Variants in MAGI2 observed in about 807,000 individuals in gnomAD.
The protein encoded by MAGI2 is membrane associated guanylate kinase, WW and PDZ domain containing 2.
Under a neutral mutation model 133.3 loss-of-function variants are expected in MAGI2, and 35 were observed. The ratio of observed to expected loss-of-function variants is 0.26; its 90% confidence interval spans 0.20 to 0.35. The LOEUF (loss-of-function observed/expected upper bound fraction) is 0.35, where lower values mean the gene tolerates loss of function less well. Among genes scored for constraint, MAGI2 ranks in the 10% least tolerant of loss-of-function variants. The pLI, the probability that MAGI2 is intolerant of heterozygous loss-of-function variation, is 1.00. For missense variants in MAGI2, 1,636 were observed against 1,863.4 expected, an observed-to-expected ratio of 0.88 and a Z score of 2.25; for synonymous variants, 729 against 710.6, an observed-to-expected ratio of 1.03 and a Z score of -0.41.
chr7:79,095,945 T>C (rs907842265), intron 1 of MAGI2, among the ~76,000 whole-genome samples: 1 of 152,104 alleles, frequency 6.6e-6, no homozygotes, highest in Non-Finnish European at 1.5e-5. Context: ...ATCTGGGAAG[T>C]GCAACAGAGT....
intron 12 of MAGI2, among the ~76,000 whole-genome samples, chr7:78,192,714 G>C (rs1828352602): frequency 1.3e-5 from 2 of 152,134 alleles, no homozygotes; most frequent in African/African-American, 4.8e-5. Context: ...AAATGTGATA[G>C]AAAAGAGAAG....
At chr7:78,189,149 T>G (rs539691985) in intron 12 of MAGI2, among the ~76,000 whole-genome samples, 1 of 152,272 alleles carries the variant, frequency 6.6e-6, no homozygotes, top group Non-Finnish European at 1.5e-5. Context: ...CACCCGTTTG[T>G]GATCAGCCAT....
At chr7:78,522,676 G>A (rs1189760874) in intron 3 of MAGI2, among the ~76,000 whole-genome samples, 2 of 152,114 alleles carry the variant, frequency 1.3e-5, no homozygotes, top group East Asian at 1.9e-4. Context: ...CACTGCATGC[G>A]GCTGTGAACA....
At chr7:78,245,667 T>C (rs1176974568) in intron 10 of MAGI2, among the ~76,000 whole-genome samples, 1 of 151,964 alleles carries the variant, frequency 6.6e-6, no homozygotes, top group East Asian at 1.9e-4. Flanking sequence ...GAGGGACTTC[T>C]CCCTGTGAGG....
At chr7:78,839,888 T>C (rs937634873) in intron 2 of MAGI2, among the ~76,000 whole-genome samples, 2 of 152,150 alleles carry the variant, frequency 1.3e-5, no homozygotes, top group African/African-American at 4.8e-5. Flanking sequence ...TTAGAAACTC[T>C]GTAGTGCTCT....
intron 1 of MAGI2, among the ~76,000 whole-genome samples, chr7:79,359,455 C>T (rs2129120554): frequency 6.6e-6 from 1 of 152,104 alleles, no homozygotes; most frequent in Non-Finnish European, 1.5e-5. Flanking sequence ...AAATTCTCCA[C>T]ACTTGATAAA....
At chr7:78,870,559 C>T (rs965936521) in intron 2 of MAGI2, among the ~76,000 whole-genome samples, 5 of 151,962 alleles carry the variant, frequency 3.3e-5, no homozygotes, top group African/African-American at 1.2e-4. Flanking sequence ...TAAATATTGG[C>T]GTGGATGTTG....
chr7:78,501,476 GT>G, intron 5 of MAGI2, 100 bp downstream of exon 5: 1 of 1,033,050 alleles, frequency 9.7e-7, no homozygotes, highest in Non-Finnish European at 1.4e-6. Flanking sequence ...AGAATTTCAT[GT>G]TTTTTTCTTT....
intron 1 of MAGI2, among the ~76,000 whole-genome samples, chr7:79,278,428 C>T (rs1175558838): frequency 6.6e-6 from 1 of 152,096 alleles, no homozygotes; most frequent in Non-Finnish European, 1.5e-5. Context: ...CACACTCACC[C>T]CATTGTTTAA....
At chr7:79,450,279 C>CAAA (rs1849152290) in intron 1 of MAGI2, among the ~76,000 whole-genome samples, 1 of 151,988 alleles carries the variant, frequency 6.6e-6, no homozygotes, top group Non-Finnish European at 1.5e-5. Context: ...AATGATTTTC[C>CAAA]AGTAAATGAC....
At chr7:79,107,218 G>T (rs1467435562) in intron 1 of MAGI2, among the ~76,000 whole-genome samples, 1 of 152,182 alleles carries the variant, frequency 6.6e-6, no homozygotes, top group South Asian at 2.1e-4. Context: ...AAGTCAAAGA[G>T]ATAGGAAGCA....
chr7:79,379,171 C>T (rs1843610066), intron 1 of MAGI2, among the ~76,000 whole-genome samples: 1 of 142,130 alleles, frequency 7.0e-6, no homozygotes, highest in South Asian at 2.4e-4. Context: ...TCCAAGTGTT[C>T]TCATTGTTCA....
intron 2 of MAGI2, among the ~76,000 whole-genome samples, chr7:78,750,613 A>T (rs766719910): frequency 9.2e-5 from 14 of 152,178 alleles, no homozygotes; most frequent in Non-Finnish European, 1.8e-4. Context: ...GACAATACAC[A>T]TAACAAAAAA....
At chr7:78,770,412 G>A (rs373073894) in intron 2 of MAGI2, among the ~76,000 whole-genome samples, 5 of 152,158 alleles carry the variant, frequency 3.3e-5, no homozygotes, top group South Asian at 4.1e-4. Flanking sequence ...AGTCAATTAC[G>A]TGGGAAATAA....
intron 1 of MAGI2, chr7:79,415,094 T>A (rs1282978382): frequency 6.6e-6 from 1 of 152,142 alleles, no homozygotes; most frequent in African/African-American, 2.4e-5. Context: ...AGTAAACACA[T>A]CTGCTAAGAA....
intron 3 of MAGI2, among the ~76,000 whole-genome samples, chr7:78,600,734 T>G (rs114449161): frequency 0.017 from 2,572 of 150,806 alleles, 34 homozygotes; most frequent in African/African-American, 0.036. Context: ...CGAGGGGAGG[T>G]GTGTGTGTGT....
chr7:78,574,349 T>G (rs910126879), intron 3 of MAGI2, among the ~76,000 whole-genome samples: 3 of 152,262 alleles, frequency 2.0e-5, no homozygotes, highest in Non-Finnish European at 4.4e-5. Flanking sequence ...TTCCTGATTC[T>G]GAAAATGTGT....
At chr7:78,352,457 AG>A (rs1301481555) in intron 7 of MAGI2, among the ~76,000 whole-genome samples, 3 of 152,220 alleles carry the variant, frequency 2.0e-5, no homozygotes, top group Non-Finnish European at 4.4e-5. Context: ...GCCTCTTGAA[AG>A]ATTTCTTCCC....
At chr7:79,360,738 G>A (rs1842328585) in intron 1 of MAGI2, among the ~76,000 whole-genome samples, 1 of 151,948 alleles carries the variant, frequency 6.6e-6, no homozygotes, top group African/African-American at 2.4e-5. Flanking sequence ...TAAATAAATT[G>A]AGATTATATC....
Sources: gnomAD v4.1 joint callset for allele counts (sites outside exome capture counted in the v4.1 genomes callset) on GRCh38, gnomAD v4.1.1 for gene constraint, MANE v1.5 for transcripts, NCBI Gene and HGNC (gene_info 2026-07-23, HGNC 2026-07-21) for gene names.